Variants in TIMMDC1 observed in about 807,000 individuals in gnomAD.
TIMMDC1 encodes the protein translocase of inner mitochondrial membrane domain containing 1, also known as complex I assembly factor TIMMDC1, mitochondrial.
Under a neutral mutation model 32.6 loss-of-function variants are expected in TIMMDC1, and 25 were observed. The ratio of observed to expected loss-of-function variants is 0.77; its 90% confidence interval spans 0.56 to 1.07. The LOEUF (loss-of-function observed/expected upper bound fraction) is 1.07. Among genes scored for constraint, TIMMDC1 ranks in the 50% least tolerant of loss-of-function variants. The pLI is 0.00. For synonymous variants in TIMMDC1, 130 were observed against 127.6 expected, an observed-to-expected ratio of 1.02 and a Z score of -0.13; for missense variants, 329 against 349.2, an observed-to-expected ratio of 0.94 and a Z score of 0.46.
intron 6 of TIMMDC1, among the ~76,000 whole-genome samples, chr3:119,520,899 G>C (rs1298454791): frequency 6.6e-6 from 1 of 152,052 alleles, no homozygotes; most frequent in Non-Finnish European, 1.5e-5. Context: ...GAACAAGTGG[G>C]ATTTATCCTA....
In TIMMDC1 at chr3:119,503,615, A is replaced by G; in HGVS notation, c.444A>G (p.Ile148Met). The G allele has an allele frequency of 6.2e-7, 1 of 1,605,860 alleles. No homozygotes were observed. Among genetic ancestry groups the G allele is most frequent in the Non-Finnish European group, 8.5e-7 (1 of 1,176,274 alleles). ...GGAGAACTGCAGTGTTTGTGACTAT[A>G]TTCAAGTAAGTTCACTCTGAATTGT... Reference protein sequence around the residue: ...WGWRTAVFVTIFNTVNTSLNV... With the variant: ...WGWRTAVFVTMFNTVNTSLNV... The change falls in exon 3 of 7, where the codon ATA (isoleucine) becomes ATG (methionine). Residue 148 changes from isoleucine to methionine, a missense_variant. Transcript: ENST00000494664.
chr3:119,516,834 A>G (rs187796013), intron 5 of TIMMDC1, among the ~76,000 whole-genome samples: 72 of 152,266 alleles, frequency 4.7e-4, no homozygotes, highest in Admixed American at 1.9e-3. Context: ...TGAACTAGAA[A>G]TTTCATTTTT....
At chr3:119,513,787 C>A (rs112171113) in intron 5 of TIMMDC1, 68 bp downstream of exon 5, 1 of 1,029,846 alleles carries the variant, frequency 9.7e-7, no homozygotes, top group African/African-American at 1.7e-5. Context: ...ATTAAAAAGT[C>A]TCATTTATTT....
At chr3:119,504,533 A>AT (rs2081903448) in intron 4 of TIMMDC1, among the ~76,000 whole-genome samples, 1 of 152,142 alleles carries the variant, frequency 6.6e-6, no homozygotes, top group South Asian at 2.1e-4. Context: ...AATGGACTAG[A>AT]TTTTTTATGG....
chr3:119,525,087 G>A lies in TIMMDC1; in HGVS notation c.*1331G>A, dbSNP rs1599796. Reference sequence around the variant, plus strand: ...CTGCTTTGACGTACCTAAATCATTCGTCTTACATGTCAGAGGAAATTAGTT... The same window carrying A: ...CTGCTTTGACGTACCTAAATCATTCATCTTACATGTCAGAGGAAATTAGTT... On this transcript the variant is annotated 3_prime_UTR_variant, in exon 7 of 7. Coordinates refer to ENST00000494664, the MANE Select transcript of TIMMDC1 (RefSeq NM_016589.4). 23,449 of 152,048 alleles carry A rather than the reference G, an allele frequency of 0.15. 2,344 individuals are homozygous for A. Among genetic ancestry groups the A allele is most frequent in the East Asian group, 0.28 (1,432 of 5,172 alleles). The allele number at this position is 152,048 out of a possible 1,614,324, so 9.4% of individuals were successfully genotyped here.
chr3:119,509,571 T>C (rs1470341794), intron 4 of TIMMDC1, among the ~76,000 whole-genome samples: 4 of 152,150 alleles, frequency 2.6e-5, no homozygotes, highest in Non-Finnish European at 4.4e-5. Flanking sequence ...CATTAGTGGA[T>C]TGAGGTGAGA....
At chr3:119,515,780 A>T (rs913376344) in intron 5 of TIMMDC1, among the ~76,000 whole-genome samples, 3 of 152,210 alleles carry the variant, frequency 2.0e-5, no homozygotes, top group African/African-American at 4.8e-5. Context: ...TTGACGACCC[A>T]TGCTGTAATC....
intron 6 of TIMMDC1, among the ~76,000 whole-genome samples, chr3:119,521,084 T>G (rs1011224760): frequency 1.3e-5 from 2 of 152,164 alleles, no homozygotes; most frequent in African/African-American, 4.8e-5. Context: ...GGACTATTTC[T>G]CAGTACAGTA....
At chr3:119,505,662 C>T (rs946712826) in intron 4 of TIMMDC1, among the ~76,000 whole-genome samples, 14 of 152,166 alleles carry the variant, frequency 9.2e-5, no homozygotes, top group Non-Finnish European at 1.6e-4. Flanking sequence ...CTACCACGCC[C>T]GGCCTGAACA....
At position 119,503,639 on chromosome 3, in the gene TIMMDC1, G is replaced by A; in HGVS notation, c.449+19G>A. ...TATTCAAGTAAGTTCACTCTGAATT[G>A]TGAGATAGTGAATTTTCTTGATATT... On this transcript the variant is annotated intron_variant, in intron 3 of 6. Transcript: ENST00000494664. 6.4e-7 allele frequency: 1 copy of A among 1,564,062 alleles called. No individual in the cohort carries two copies. Among genetic ancestry groups the A allele is most frequent in the South Asian group, 1.2e-5 (1 of 85,392 alleles).
intron 3 of TIMMDC1, 133 bp downstream of exon 3, chr3:119,503,753 A>G (rs2081897002): frequency 7.4e-6 from 6 of 814,558 alleles, no homozygotes; most frequent in Non-Finnish European, 1.1e-5. Flanking sequence ...TTTTTTTTTC[A>G]AGAACTTTTC....
chr3:119,503,080 T>A (rs1348968222), intron 2 of TIMMDC1, among the ~76,000 whole-genome samples: 3 of 152,230 alleles, frequency 2.0e-5, no homozygotes, highest in Non-Finnish European at 2.9e-5. Context: ...TGTAGATTTA[T>A]AATTCATTAC....
In TIMMDC1 at chr3:119,523,761, G is replaced by A; in HGVS notation, c.*5G>A. ...GATAAACAAGACAAGGACTGAAAGTGCTCTGAACTTGAAACTCACTGGAGA... is the reference window on the plus strand; with the variant it reads ...GATAAACAAGACAAGGACTGAAAGTACTCTGAACTTGAAACTCACTGGAGA... On this transcript the variant is annotated 3_prime_UTR_variant, in exon 7 of 7. Transcript: ENST00000494664. The A allele has an allele frequency of 6.3e-7, 1 of 1,589,402 alleles. No individual in the cohort carries two copies. Among genetic ancestry groups the A allele is most frequent in the African/African-American group, 1.4e-5 (1 of 73,934 alleles).
chr3:119,516,181 GT>G (rs2081984397), intron 5 of TIMMDC1, among the ~76,000 whole-genome samples: 1 of 152,114 alleles, frequency 6.6e-6, no homozygotes, highest in Non-Finnish European at 1.5e-5. Flanking sequence ...TATTCACATT[GT>G]GCATGAGATC....
chr3:119,512,623 G>GA (rs957575178), intron 4 of TIMMDC1, among the ~76,000 whole-genome samples: 2 of 151,784 alleles, frequency 1.3e-5, no homozygotes, highest in African/African-American at 4.8e-5. Flanking sequence ...TGGAGGATCA[G>GA]AAAAAAAGAC....
In TIMMDC1 at chr3:119,523,723, C is replaced by G. The variant is rs763670594; in HGVS notation, c.825C>G (p.Asn275Lys). The change falls in exon 7 of 7, where the codon AAC becomes AAG. Residue 275 changes from asparagine to lysine, a missense_variant. Asn to Lys is a moderately conservative substitution (Grantham distance 94). Coordinates refer to ENST00000494664, the MANE Select transcript of TIMMDC1 (RefSeq NM_016589.4). The stretch of plus-strand genomic sequence containing the variant: ...AAGCACTGCTAAACCTTCCTAGAAA[C>G]CCTTCAGTAATAGATAAACAAGACA... Reference protein sequence around the residue: ...KIEALLNLPRNPSVIDKQDKD With the variant: ...KIEALLNLPRKPSVIDKQDKD 6.2e-7 allele frequency: 1 copy of G among 1,611,810 alleles called. No individual in the cohort carries two copies. The highest frequency in any genetic ancestry group is 1.1e-5 in the South Asian group (1 of 90,690).
chr3:119,505,493 G>A (rs1244029298), intron 4 of TIMMDC1, among the ~76,000 whole-genome samples: 1 of 151,934 alleles, frequency 6.6e-6, no homozygotes, highest in Non-Finnish European at 1.5e-5. Flanking sequence ...AGCCTCCCTA[G>A]TAGCTGGGAT....
chr3:119,514,497 A>C (rs1048357972), intron 5 of TIMMDC1, among the ~76,000 whole-genome samples: 1 of 152,182 alleles, frequency 6.6e-6, no homozygotes, highest in East Asian at 1.9e-4. Flanking sequence ...TAGGGTCTAT[A>C]TTAAAAACTC....
At position 119,498,718 on chromosome 3, in the gene TIMMDC1, A is replaced by C; in HGVS notation, c.-16A>C. On this transcript the variant is annotated 5_prime_UTR_variant, in exon 1 of 7. Transcript: ENST00000494664. ...GTCCTGAGCGCTCAAGTTTGTCCGT[A>C]GGTCGAGAGAAGGCCATGGAGGTGC... is the stretch of plus-strand genomic sequence containing the variant. 2 of 1,613,028 alleles carry C rather than the reference A, an allele frequency of 1.2e-6. No individual in the cohort carries two copies. Among genetic ancestry groups the C allele is most frequent in the Non-Finnish European group, 1.7e-6 (2 of 1,179,406 alleles).
Sources: allele counts gnomAD v4.1 joint callset (sites outside exome capture counted in the v4.1 genomes callset), GRCh38; gene constraint gnomAD v4.1.1; transcripts MANE v1.5; gene names NCBI Gene and HGNC (gene_info 2026-07-23, HGNC 2026-07-21).